LYST: variants seen among roughly 807,000 people sequenced by gnomAD.
The protein encoded by LYST is lysosomal-trafficking regulator.
A neutral mutation model predicts 413.6 loss-of-function variants in LYST; 192 were observed. The ratio of observed to expected loss-of-function variants is 0.46; its 90% CI spans 0.41 to 0.52. The LOEUF (loss-of-function observed/expected upper bound fraction) is 0.52. LYST is among the 20% of genes least tolerant of loss of function. The pLI, the probability that LYST is intolerant of heterozygous loss-of-function variation, is 0.00. For synonymous variants in LYST, 1,525 were observed against 1,567.3 expected (o/e 0.97, Z 0.64); for missense variants, 3,815 against 4,499.9 (o/e 0.85, Z 4.35).
chr1:235,715,892 T>C (rs1192919340), intron 41 of LYST, among the ~76,000 whole-genome samples: 2 of 151,948 alleles, frequency 1.3e-5, no homozygotes, highest in African/African-American at 4.8e-5. Context: ...AATATGGTGA[T>C]TTTTCACTAC....
At position 235,689,026 on chromosome 1, in the gene LYST, T is replaced by TAAC. The variant is rs1184158926; in HGVS notation, c.10702-1982_10702-1980dup. ...ATAATAATAATAATAATAATAATAA[T>TAAC]AACAACAACAACAACAACAACAATA... On this transcript the variant is annotated intron_variant, in intron 47 of 52. Coordinates refer to ENST00000389793, the MANE Select transcript of LYST (RefSeq NM_000081.4). 5.1e-3 allele frequency among the ~76,000 whole-genome samples: 476 copies of TAAC among 92,944 alleles called. 4 individuals are homozygous for TAAC. Among genetic ancestry groups the TAAC allele is most frequent in the Middle Eastern group, 0.01 (2 of 194 alleles). The allele number at this position is 92,944 out of a possible 152,430, so 61.0% of individuals were successfully genotyped here. A position where few individuals can be genotyped will look rare whatever the true frequency, so the allele number is the denominator to read the frequency against.
intron 3 of LYST, among the ~76,000 whole-genome samples, chr1:235,819,636 T>A (rs1674537835): frequency 6.6e-6 from 1 of 152,154 alleles, no homozygotes. Context: ...ATACCACTCT[T>A]ATTTAATACT....
intron 44 of LYST, among the ~76,000 whole-genome samples, chr1:235,707,255 T>C (rs74566586): frequency 9.8e-5 from 15 of 152,288 alleles, no homozygotes; most frequent in Non-Finnish European, 2.2e-4. Context: ...CCCCAGCACC[T>C]AGCAAAATAA....
At chr1:235,703,679 C>A (rs1337302731) in intron 44 of LYST, among the ~76,000 whole-genome samples, 2 of 152,080 alleles carry the variant, frequency 1.3e-5, no homozygotes, top group African/African-American at 4.8e-5. Context: ...AAATAAAATT[C>A]CAAAGATATT....
At chr1:235,758,684 C>G (rs1264956219) in intron 23 of LYST, among the ~76,000 whole-genome samples, 2 of 152,180 alleles carry the variant, frequency 1.3e-5, no homozygotes, top group Non-Finnish European at 2.9e-5. Flanking sequence ...TATCGTTTCT[C>G]TGTCCTGAAG....
chr1:235,771,913 G>GT (rs1187587312), intron 19 of LYST, among the ~76,000 whole-genome samples: 1,639 of 94,904 alleles, frequency 0.017, 41 homozygotes, highest in African/African-American at 0.029. Context: ...AGGTTTTTTA[G>GT]TTTGTTTTTT....
chr1:235,800,065 T>C lies in LYST; in HGVS notation c.4006+255A>G, dbSNP rs559562102. ...TTGGCCTCCTGGGCCTAAGCGATCC[T>C]CCCACCTCAGCCTCCCAAGTAGCTA... On this transcript the variant is annotated intron_variant, in intron 10 of 52. Coordinates refer to ENST00000389793, the MANE Select transcript of LYST (RefSeq NM_000081.4). 9.1e-5 allele frequency among the ~76,000 whole-genome samples: 13 copies of C among 142,326 alleles called. No homozygotes were observed. In the East Asian group the frequency reaches 1.5e-3, roughly 17 times the overall value. The allele number at this position is 142,326 out of a possible 152,430, so 93.4% of individuals were successfully genotyped here.
intron 48 of LYST, among the ~76,000 whole-genome samples, chr1:235,680,429 A>T (rs908354247): frequency 2.1e-5 from 3 of 145,912 alleles, no homozygotes; most frequent in Non-Finnish European, 3.0e-5. Flanking sequence ...TACTTTTTAA[A>T]TTTTTTTTTT....
chr1:235,770,079 G>A (rs1668518948), intron 20 of LYST, 81 bp downstream of exon 20: 3 of 1,337,490 alleles, frequency 2.2e-6, no homozygotes, highest in East Asian at 2.3e-5. Context: ...CCCATTGAAA[G>A]TGCCACAAAA....
chr1:235,711,131 T>C (rs1662374389), intron 43 of LYST, among the ~76,000 whole-genome samples: 11 of 152,208 alleles, frequency 7.2e-5, no homozygotes, highest in Admixed American at 7.2e-4. Flanking sequence ...TTATTATTGT[T>C]TCAAGCCATT....
intron 1 of LYST, among the ~76,000 whole-genome samples, chr1:235,846,858 C>A (rs1044525960): frequency 7.2e-5 from 11 of 151,926 alleles, no homozygotes; most frequent in Non-Finnish European, 1.5e-4. Context: ...ATGAACAAAG[C>A]CTCCAAGAAG....
chr1:235,808,400 G>C, intron 5 of LYST, 55 bp downstream of exon 5: 1 of 1,543,130 alleles, frequency 6.5e-7, no homozygotes, highest in Non-Finnish European at 8.9e-7. Context: ...CAATGAAAAA[G>C]ATCTAGACAT....
intron 20 of LYST, among the ~76,000 whole-genome samples, chr1:235,769,566 A>G (rs1226513373): frequency 6.6e-6 from 1 of 152,040 alleles, no homozygotes; most frequent in African/African-American, 2.4e-5. Flanking sequence ...AAACTTGGAA[A>G]ATTGTCTAAT....
Position 235,664,950 on chromosome 1 carries a change from C to T in LYST, c.11039-329G>A, listed in dbSNP as rs981119060. On this transcript the variant is annotated intron_variant, in intron 50 of 52. Transcript: ENST00000389793. This position sits in a 1 kb window ranked among gnomAD's most constrained non-coding sequence, Gnocchi z 4.5. The stretch of plus-strand genomic sequence containing the variant: ...CTGGGACAACAGGTGCACGCCACCA[C>T]ATCCGGCTAATTTTTATATTTTTAG... Among the ~76,000 whole-genome samples, 1 of 152,140 alleles carries T rather than the reference C, an allele frequency of 6.6e-6. No individual in the cohort carries two copies. The highest frequency in any genetic ancestry group is 2.4e-5 in the African/African-American group (1 of 41,430).
At position 235,805,310 on chromosome 1, in the gene LYST, C is replaced by G. The variant is rs183320106; in HGVS notation, c.3393+433G>C. ...CCTGAAGTGCCCCACAATGATTGTC[C>G]CCACTTCTTAGAGCCACATCTATCA... On this transcript the variant is annotated intron_variant, in intron 6 of 52. Coordinates refer to ENST00000389793, the MANE Select transcript of LYST (RefSeq NM_000081.4). Among the ~76,000 whole-genome samples the G allele has an allele frequency of 2.0e-5, 3 of 152,192 alleles. No homozygotes were observed. In the East Asian group the frequency reaches 5.8e-4, roughly 29 times the overall value.
intron 17 of LYST, among the ~76,000 whole-genome samples, chr1:235,776,017 T>A (rs1461677764): frequency 1.3e-5 from 2 of 152,102 alleles, no homozygotes; most frequent in African/African-American, 2.4e-5. Flanking sequence ...TTATCTAAGA[T>A]CCAATCTCTA....
chr1:235,780,686 A>C (rs1230187287), intron 16 of LYST, among the ~76,000 whole-genome samples, 179 bp downstream of exon 16: 1 of 152,016 alleles, frequency 6.6e-6, no homozygotes, highest in Admixed American at 6.5e-5. Context: ...GCCTGAAACA[A>C]ATTTTGAAAG....
Position 235,777,131 on chromosome 1 carries a change from A to G in LYST, c.5392T>C (p.Tyr1798His). The change falls in exon 17 of 53, where the codon TAT (tyrosine) becomes CAT (histidine). Residue 1798 changes from tyrosine (Y) to histidine (H), a missense_variant. Transcript: ENST00000389793. The stretch of plus-strand genomic sequence containing the variant: ...TGCAGAATGCCTTGAATAGTTTTAT[A>G]TTCAGTAGGTTGGAGATTCTTTAGA... ...HHLKNLQPTE[Y>H]KTIQGILHEI... 3.1e-6 allele frequency: 5 copies of G among 1,613,128 alleles called. No individual in the cohort carries two copies. In the South Asian group the frequency reaches 4.4e-5, roughly 14 times the overall value.
intron 1 of LYST, among the ~76,000 whole-genome samples, chr1:235,848,015 T>C (rs1177330566): frequency 2.6e-5 from 4 of 152,134 alleles, no homozygotes; most frequent in South Asian, 2.1e-4. Flanking sequence ...ATTTAAACTA[T>C]ACCTTGGAAC....
Sources: allele counts gnomAD v4.1 joint callset (sites outside exome capture counted in the v4.1 genomes callset), GRCh38; gene constraint gnomAD v4.1.1; non-coding constraint Gnocchi (gnomAD v3.1); transcripts MANE v1.5; gene names NCBI Gene and HGNC (gene_info 2026-07-23, HGNC 2026-07-21).